The following MDM1 variants were observed in gnomAD, a reference collection of about 807,000 sequenced individuals.
MDM1 encodes stabilizer of axonemal microtubules 6.
MDM1 carries 61 observed loss-of-function variants against 89.1 expected under a neutral mutation model. That is an observed-to-expected ratio of 0.68 (90% CI 0.56 to 0.85). The LOEUF (loss-of-function observed/expected upper bound fraction) is 0.85, where lower values mean the gene tolerates loss of function less well. MDM1 is among the 40% of genes least tolerant of loss of function. MDM1 has a pLI of 0.00. For missense variants in MDM1, 820 were observed against 846.5 expected (o/e 0.97, Z 0.39); for synonymous variants, 290 against 294.1 (o/e 0.99, Z 0.14).
At chr12:68,315,319 T>G in intron 9 of MDM1, 54 bp from the exon 10 acceptor site, 1 of 1,519,148 alleles carries the variant, frequency 6.6e-7, no homozygotes, top group Non-Finnish European at 8.9e-7. Context: ...ACTTTTCTAA[T>G]CAACACCAAT....
Position 68,332,320 on chromosome 12 carries a change from A to C in MDM1, c.-75T>G. The stretch of plus-strand genomic sequence containing the variant: ...AGCTCCGAGGGGGCGGGGCGATAAC[A>C]GTGTTCCCTAGCAAAGCCTCGGCCC... On this transcript the variant is annotated 5_prime_UTR_variant, in exon 1 of 15. Transcript: ENST00000682720. 6.8e-7 allele frequency: 1 copy of C among 1,476,006 alleles called. No homozygotes were observed. The highest frequency in any genetic ancestry group is 9.1e-7 in the Non-Finnish European group (1 of 1,104,930). 91.4% of individuals were successfully genotyped at this position (1,476,006 alleles called of 1,614,324 possible). A position where few individuals can be genotyped will look rare whatever the true frequency, so the allele number is the denominator to read the frequency against.
chr12:68,309,575 A>C (rs1248699027), intron 12 of MDM1, among the ~76,000 whole-genome samples: 1 of 152,226 alleles, frequency 6.6e-6, no homozygotes, highest in Non-Finnish European at 1.5e-5. Context: ...TAAATCTGCT[A>C]AATGAATGAA....
Position 68,298,792 on chromosome 12 carries a change from G to A in MDM1, c.2003-1810C>T, listed in dbSNP as rs148120448. 1.6e-3 allele frequency among the ~76,000 whole-genome samples: 241 copies of A among 152,204 alleles called. 4 individuals carry two copies. In the Middle Eastern group the frequency reaches 0.031, roughly 19 times the overall value. On this transcript the variant is annotated intron_variant, in intron 13 of 14. Transcript: ENST00000682720. ...CTTAGCCACAGTAAGTTCCTACCCA[G>A]GGATACCTCCCCTAATGGCCTGAAG... is the stretch of plus-strand genomic sequence containing the variant.
At chr12:68,323,301 C>A in intron 4 of MDM1, 61 bp from the exon 5 acceptor site, 1 of 1,209,026 alleles carries the variant, frequency 8.3e-7, no homozygotes, top group Non-Finnish European at 1.1e-6. Flanking sequence ...CTTTGGTCTT[C>A]AATTACTTAA....
chr12:68,311,955 G>A (rs1873755252), intron 12 of MDM1, among the ~76,000 whole-genome samples: 1 of 152,028 alleles, frequency 6.6e-6, no homozygotes, highest in Non-Finnish European at 1.5e-5. Flanking sequence ...TCACCTATCT[G>A]TAGCATTGAC....
chr12:68,302,564 C>A, intron 13 of MDM1, 56 bp downstream of exon 13: 1 of 1,418,288 alleles, frequency 7.1e-7, no homozygotes, highest in Non-Finnish European at 9.6e-7. Context: ...AGACTTTGTA[C>A]CTATCAGCAT....
Position 68,323,762 on chromosome 12 carries a change from C to T in MDM1, c.634-522G>A, listed in dbSNP as rs80159663. ...CTACTTCACAATATGGTTTCTATTT[C>T]ACGGCATATTACCACTGATTACAAG... On this transcript the variant is annotated intron_variant, in intron 4 of 14. Transcript: ENST00000682720. Among the ~76,000 whole-genome samples the T allele has an allele frequency of 4.9e-3, 747 of 152,222 alleles. 3 individuals carry two copies. The highest frequency in any genetic ancestry group is 0.017 in the African/African-American group (713 of 41,552).
At chr12:68,326,460 C>A (rs1243783444) in intron 3 of MDM1, 197 bp downstream of exon 3, 8 of 1,476,828 alleles carry the variant, frequency 5.4e-6, no homozygotes, top group Non-Finnish European at 7.2e-6. Flanking sequence ...ACAACTACTA[C>A]AAAATAGCGA....
chr12:68,330,441 C>CGTGTAA (rs1565789560), intron 2 of MDM1, among the ~76,000 whole-genome samples: 2 of 152,216 alleles, frequency 1.3e-5, no homozygotes, highest in Admixed American at 6.5e-5. Flanking sequence ...TATATGTCTA[C>CGTGTAA]GTGTAAGTGT....
At chr12:68,298,643 T>C (rs1473591230) in intron 13 of MDM1, among the ~76,000 whole-genome samples, 1 of 152,068 alleles carries the variant, frequency 6.6e-6, no homozygotes, top group Non-Finnish European at 1.5e-5. Context: ...TCCTATCTAC[T>C]TGGATAGCAT....
intron 12 of MDM1, among the ~76,000 whole-genome samples, chr12:68,308,804 G>C (rs1034572739): frequency 1.3e-5 from 2 of 152,198 alleles, no homozygotes; most frequent in African/African-American, 4.8e-5. Context: ...TCCTTGTCCA[G>C]AGTTCTCTTG....
chr12:68,307,431 T>C (rs554041120), intron 12 of MDM1, among the ~76,000 whole-genome samples: 2 of 151,398 alleles, frequency 1.3e-5, no homozygotes, highest in South Asian at 4.2e-4. Context: ...AACCCAGGAG[T>C]TTGAGAACAG....
In MDM1 at chr12:68,331,280, G is replaced by A; in HGVS notation, c.19-59C>T. 6 of 961,648 alleles carry A rather than the reference G, an allele frequency of 6.2e-6. No individual in the cohort carries two copies. The South Asian group carries it at 7.9e-5, about 13-fold the overall frequency. The allele number at this position is 961,648 out of a possible 1,614,324, so 59.6% of individuals were successfully genotyped here. ...AATTAATGAATGATGTTTTAAAGCA[G>A]ACATCGGTGAAAAATAATTTCTGAA... On this transcript the variant is annotated intron_variant, in intron 1 of 14. Transcript: ENST00000682720.
At chr12:68,323,027 A>C (rs888188282) in intron 5 of MDM1, 46 bp downstream of exon 5, 1 of 1,556,046 alleles carries the variant, frequency 6.4e-7, no homozygotes. Flanking sequence ...TGGAGAATCT[A>C]AAATAACGGG....
At chr12:68,329,321 C>G (rs1418854495) in intron 2 of MDM1, among the ~76,000 whole-genome samples, 1 of 152,200 alleles carries the variant, frequency 6.6e-6, no homozygotes, top group Non-Finnish European at 1.5e-5. Context: ...GCCCACTCTT[C>G]CCTTTGTTCT....
intron 12 of MDM1, among the ~76,000 whole-genome samples, 168 bp downstream of exon 12, chr12:68,313,275 T>C (rs1873947509): frequency 6.6e-6 from 1 of 152,214 alleles, no homozygotes; most frequent in South Asian, 2.1e-4. Context: ...GTAATGCTTC[T>C]AACAGAAAAA....
intron 7 of MDM1, among the ~76,000 whole-genome samples, chr12:68,318,042 A>G (rs918888436): frequency 6.6e-6 from 1 of 152,226 alleles, no homozygotes; most frequent in Non-Finnish European, 1.5e-5. Flanking sequence ...GCAGCACTTA[A>G]GCACTGAGCC....
intron 7 of MDM1, among the ~76,000 whole-genome samples, chr12:68,319,071 A>G (rs1194134362): frequency 6.6e-6 from 1 of 152,216 alleles, no homozygotes; most frequent in Admixed American, 6.5e-5. Flanking sequence ...CAACCAATCG[A>G]TGATGAAAAG....
intron 1 of MDM1, 139 bp downstream of exon 1, chr12:68,332,089 C>G: frequency 8.2e-7 from 1 of 1,222,680 alleles, no homozygotes; most frequent in Non-Finnish European, 1.2e-6. Context: ...TTCTGGGGCC[C>G]CTCGAGCAGG....
Sources: allele counts gnomAD v4.1 joint callset (sites outside exome capture counted in the v4.1 genomes callset), GRCh38; gene constraint gnomAD v4.1.1; transcripts MANE v1.5; gene names NCBI Gene and HGNC (gene_info 2026-07-23, HGNC 2026-07-21).